Variants in GNAT3 observed in about 807,000 individuals in gnomAD.
GNAT3 encodes the protein G protein subunit alpha transducin 3.
In GNAT3, 31 loss-of-function variants were observed where a neutral mutation model predicts 37.7. That is an observed-to-expected ratio of 0.82 (90% CI 0.62 to 1.11). The LOEUF is 1.11. GNAT3 is among the 50% of genes most tolerant of loss of function. GNAT3 has a pLI of 0.00. For missense variants in GNAT3, 437 were observed against 412.5 expected (o/e 1.06, Z -0.51); for synonymous variants, 138 against 139.8 (o/e 0.99, Z 0.09).
At chr7:80,460,840 C>T (rs555769380) in intron 7 of GNAT3, among the ~76,000 whole-genome samples, 1 of 152,010 alleles carries the variant, frequency 6.6e-6, no homozygotes, top group East Asian at 1.9e-4. Context: ...ATATGTACCA[C>T]ACCAAAGCAG....
chr7:80,488,763 T>A, intron 2 of GNAT3, 87 bp from the exon 3 acceptor site: 1 of 941,870 alleles, frequency 1.1e-6, no homozygotes, highest in Non-Finnish European at 1.6e-6. Context: ...TGAATAAAAT[T>A]ACAGTATATA....
intron 1 of GNAT3, among the ~76,000 whole-genome samples, chr7:80,500,024 G>A (rs911327079): frequency 6.6e-6 from 1 of 151,948 alleles, no homozygotes; most frequent in African/African-American, 2.4e-5. Flanking sequence ...CCTTTCTTGT[G>A]GAACATGATT....
At chr7:80,465,569 T>G (rs749934023) in intron 5 of GNAT3, among the ~76,000 whole-genome samples, 4 of 152,136 alleles carry the variant, frequency 2.6e-5, no homozygotes, top group African/African-American at 9.7e-5. Context: ...GTGGCTATGA[T>G]AGCTATGCTG....
chr7:80,478,921 T>C lies in GNAT3; in HGVS notation c.381A>G (p.Ile127Met), dbSNP rs1480385888. ...TTCCTGGATCTCTCCACAGCCGTTT[T>C]ATTACCTCAGCCAGTTGAGGTGTCA... Reference protein sequence around the residue: ...GGMTPQLAEVIKRLWRDPGIQ... With the variant: ...GGMTPQLAEVMKRLWRDPGIQ... The change falls in exon 4 of 8, where the codon ATA (isoleucine) becomes ATG (methionine). Residue 127 changes from isoleucine (I) to methionine (M), a missense_variant. Transcript: ENST00000398291. 1.2e-6 allele frequency: 2 copies of C among 1,613,266 alleles called. No homozygotes were observed. The highest frequency in any genetic ancestry group is 1.7e-6 in the Non-Finnish European group (2 of 1,179,522).
chr7:80,459,937 A>G (rs1489262244), intron 7 of GNAT3, among the ~76,000 whole-genome samples: 2 of 152,228 alleles, frequency 1.3e-5, no homozygotes, highest in Non-Finnish European at 2.9e-5. Flanking sequence ...AGTTTCTTAC[A>G]AAGCTAAAGA....
In GNAT3 at chr7:80,493,436, A is replaced by G. The variant is rs75653619; in HGVS notation, c.161+1169T>C. Among the ~76,000 whole-genome samples the G allele has an allele frequency of 9.0e-3, 1,371 of 152,316 alleles. 16 individuals are homozygous for G. Among genetic ancestry groups the G allele is most frequent in the African/African-American group, 0.031 (1,306 of 41,580 alleles). On this transcript the variant is annotated intron_variant, in intron 2 of 7. Transcript: ENST00000398291. ...AAATATTGGTTGATATAAAACTTACATGAGATTATCACATAAAAGGAAAAC... is the reference window on the plus strand; with the variant it reads ...AAATATTGGTTGATATAAAACTTACGTGAGATTATCACATAAAAGGAAAAC...
chr7:80,493,640 C>CTCCTCCTCCTCTT lies in GNAT3; in HGVS notation c.161+964_161+965insAAGAGGAGGAGGA, dbSNP rs1562730444. ...TCTTTCCTCTTCCTCCTCCTCTTTC[C>CTCCTCCTCCTCTT]TCCTCCTCCTCCTCTTTCCTCCTCC... On this transcript the variant is annotated intron_variant, in intron 2 of 7. Coordinates refer to ENST00000398291, the MANE Select transcript of GNAT3 (RefSeq NM_001102386.3). 1.8e-3 allele frequency among the ~76,000 whole-genome samples: 175 copies of CTCCTCCTCCTCTT among 99,096 alleles called. 6 individuals carry two copies. The highest frequency in any genetic ancestry group is 0.011 in the African/African-American group (168 of 15,464). The allele number at this position is 99,096 out of a possible 152,430, so 65.0% of individuals were successfully genotyped here.
At chr7:80,460,104 A>C (rs1790024650) in intron 7 of GNAT3, among the ~76,000 whole-genome samples, 1 of 152,198 alleles carries the variant, frequency 6.6e-6, no homozygotes, top group African/African-American at 2.4e-5. Context: ...GAAAGGATAA[A>C]CTGTGGTTCG....
Position 80,488,607 on chromosome 7 carries a change from T to A in GNAT3, c.231A>T (p.Thr77=). The stretch of plus-strand genomic sequence containing the variant: ...TCACAATAGCTAGGATGGATTGCAA[T>A]GTATTACTGTAAATTACTGCTTTGA... ...MEFKAVIYSN[T]LQSILAIVKA... The change falls in exon 3 of 8, where the codon ACA becomes ACT. Residue 77 remains threonine, a synonymous_variant. Transcript: ENST00000398291. 1 of 1,594,102 alleles carries A rather than the reference T, an allele frequency of 6.3e-7. No homozygotes were observed. The highest frequency in any genetic ancestry group is 8.6e-7 in the Non-Finnish European group (1 of 1,167,838).
chr7:80,487,438 C>A (rs1449739692), intron 3 of GNAT3, among the ~76,000 whole-genome samples: 1 of 152,132 alleles, frequency 6.6e-6, no homozygotes, highest in African/African-American at 2.4e-5. Context: ...GAAGGCCATA[C>A]TTAGCATTTC....
At chr7:80,462,370 G>A (rs1189310040) in intron 6 of GNAT3, 58 bp from the exon 7 acceptor site, 2 of 1,564,168 alleles carry the variant, frequency 1.3e-6, no homozygotes, top group Non-Finnish European at 1.8e-6. Flanking sequence ...TGTGAATGTT[G>A]AGCATCATGA....
At chr7:80,478,782 T>C in intron 4 of GNAT3, 59 bp downstream of exon 4, 2 of 1,525,878 alleles carry the variant, frequency 1.3e-6, no homozygotes, top group East Asian at 2.3e-5. Flanking sequence ...GTATGCAGAA[T>C]TATAATTCTT....
At chr7:80,475,186 T>C (rs1293183444) in intron 4 of GNAT3, among the ~76,000 whole-genome samples, 1 of 151,970 alleles carries the variant, frequency 6.6e-6, no homozygotes, top group Non-Finnish European at 1.5e-5. Context: ...ATATTAAAAA[T>C]TGTTAGTATT....
At position 80,497,580 on chromosome 7, in the gene GNAT3, GTATATA is replaced by G. The variant is rs1562732729; in HGVS notation, c.119-2939_119-2934del. ...TATACATATACGTATATACATATAC[GTATATA>G]CATATACGTATATACATATACGTAT... On this transcript the variant is annotated intron_variant, in intron 1 of 7. Transcript: ENST00000398291. Among the ~76,000 whole-genome samples the G allele has an allele frequency of 4.9e-4, 64 of 129,548 alleles. 1 individual carries two copies. The highest frequency in any genetic ancestry group is 4.2e-3 in the Middle Eastern group (1 of 238). 85.0% of individuals were successfully genotyped at this position (129,548 alleles called of 152,430 possible).
chr7:80,488,816 A>G (rs1790536968), intron 2 of GNAT3, 140 bp from the exon 3 acceptor site: 1 of 540,438 alleles, frequency 1.9e-6, no homozygotes, highest in African/African-American at 1.9e-5. Flanking sequence ...TGCTAACTCT[A>G]AACAATTTTA....
chr7:80,465,749 T>C (rs1290851004), intron 5 of GNAT3, among the ~76,000 whole-genome samples: 1 of 152,096 alleles, frequency 6.6e-6, no homozygotes, highest in African/African-American at 2.4e-5. Flanking sequence ...AACAGGTCAC[T>C]GGGCAAAAAA....
intron 1 of GNAT3, among the ~76,000 whole-genome samples, chr7:80,498,746 G>C (rs187546713): frequency 6.6e-6 from 1 of 152,160 alleles, no homozygotes; most frequent in Admixed American, 6.5e-5. Context: ...GCTAATATTA[G>C]TTTCTGGGTC....
intron 3 of GNAT3, among the ~76,000 whole-genome samples, chr7:80,481,035 C>CTTA (rs1305847778): frequency 1.3e-5 from 2 of 152,020 alleles, no homozygotes; most frequent in South Asian, 4.1e-4. Flanking sequence ...TACAACTCAG[C>CTTA]TTATTATTAT....
chr7:80,462,313 C>G lies in GNAT3; in HGVS notation c.721-1G>C, dbSNP rs758544499. 3.1e-6 allele frequency: 5 copies of G among 1,611,716 alleles called. No individual in the cohort carries two copies. The East Asian group carries it at 1.1e-4, about 36-fold the overall frequency. On this transcript the variant is annotated splice_acceptor_variant, in intron 6 of 7. Transcript: ENST00000398291. LOFTEE classifies it high-confidence loss of function. ...GGTGAAGGCTTTCATGCATTCTATT[C>G]TGTTAGGTATCAGAAATGAGAATGG... is the stretch of plus-strand genomic sequence containing the variant.
Sources: allele counts gnomAD v4.1 joint callset (sites outside exome capture counted in the v4.1 genomes callset), GRCh38; gene constraint gnomAD v4.1.1; transcripts MANE v1.5; gene names NCBI Gene and HGNC (gene_info 2026-07-23, HGNC 2026-07-21).